RAB21: variants seen among roughly 807,000 people sequenced by gnomAD.
RAB21 encodes the protein RAB21, member RAS oncogene family.
Under a neutral mutation model 33.1 loss-of-function variants are expected in RAB21, and 13 were observed. That is an observed-to-expected ratio of 0.39 (90% CI 0.26 to 0.62). The LOEUF is 0.62. Among genes scored for constraint, RAB21 ranks in the 20% least tolerant of loss-of-function variants. The pLI, the probability that RAB21 is intolerant of heterozygous loss-of-function variation, is 0.48. For missense variants in RAB21, 234 were observed against 279.1 expected (o/e 0.84, Z 1.15); for synonymous variants, 91 against 103.7 (o/e 0.88, Z 0.74).
intron 1 of RAB21, among the ~76,000 whole-genome samples, chr12:71,758,423 A>G (rs1283974628): frequency 6.6e-6 from 1 of 151,678 alleles, no homozygotes. Flanking sequence ...GAAGATAGCT[A>G]TCTTGTCTTC....
Position 71,793,950 on chromosome 12 carries a change from T to TCATG in RAB21, c.*8279_*8282dup, listed in dbSNP as rs1333995302. On this transcript the variant is annotated 3_prime_UTR_variant, in exon 7 of 7. Coordinates refer to ENST00000261263, the MANE Select transcript of RAB21 (RefSeq NM_014999.4). ...TTAAAAGCTGGCTGGGAGCCATGGC[T>TCATG]CATGCCTGTAATCCAGCACTTTGGG... 1 of 152,314 alleles carries TCATG rather than the reference T, an allele frequency of 6.6e-6. No homozygotes were observed. Among genetic ancestry groups the TCATG allele is most frequent in the Admixed American group, 6.5e-5 (1 of 15,280 alleles). 9.4% of individuals were successfully genotyped at this position (152,314 alleles called of 1,614,324 possible).
rs1475477427 is a variant in RAB21, at chr12:71,800,137, C to T, written c.*14464C>T. 1 of 151,974 alleles carries T rather than the reference C, an allele frequency of 6.6e-6. No individual in the cohort carries two copies. The highest frequency in any genetic ancestry group is 1.9e-4 in the East Asian group (1 of 5,190). The allele number at this position is 151,974 out of a possible 1,614,324, so 9.4% of individuals were successfully genotyped here. On this transcript the variant is annotated 3_prime_UTR_variant, in exon 7 of 7. Transcript: ENST00000261263. ...CAAGTTCGATCTGTGAAACCACCAT[C>T]ACAGTGAAGATAATTAACACATCCA...
chr12:71,758,335 A>AT (rs1360558803), intron 1 of RAB21, among the ~76,000 whole-genome samples: 4 of 151,692 alleles, frequency 2.6e-5, no homozygotes, highest in Admixed American at 1.3e-4. Context: ...TTCCGGTCCT[A>AT]TTTTATTTTT....
At position 71,789,491 on chromosome 12, in the gene RAB21, T is replaced by A. The variant is rs2289077; in HGVS notation, c.*3818T>A. 6.6e-6 allele frequency: 1 copy of A among 152,104 alleles called. No individual in the cohort carries two copies. The highest frequency in any genetic ancestry group is 6.6e-5 in the Admixed American group (1 of 15,258). 9.4% of individuals were successfully genotyped at this position (152,104 alleles called of 1,614,324 possible). Reference sequence around the variant, plus strand: ...TTGACTTGTTTGCCACTGTAGAGTTTTCAGTTTTCTCTGTAGATTCAGTGT... The same window carrying A: ...TTGACTTGTTTGCCACTGTAGAGTTATCAGTTTTCTCTGTAGATTCAGTGT... On this transcript the variant is annotated 3_prime_UTR_variant, in exon 7 of 7. Coordinates refer to ENST00000261263, the MANE Select transcript of RAB21 (RefSeq NM_014999.4).
rs957378763 is a variant in RAB21, at chr12:71,791,106, C to T, written c.*5433C>T. ...CAAGCAATCCTCTTGCCTCAGCCTT[C>T]TGAGTAGCTGGGACTACATGTGTAA... On this transcript the variant is annotated 3_prime_UTR_variant, in exon 7 of 7. Coordinates refer to ENST00000261263, the MANE Select transcript of RAB21 (RefSeq NM_014999.4). 1.3e-5 allele frequency: 2 copies of T among 152,250 alleles called. No homozygotes were observed. Among genetic ancestry groups the T allele is most frequent in the Admixed American group, 6.5e-5 (1 of 15,278 alleles). 9.4% of individuals were successfully genotyped at this position (152,250 alleles called of 1,614,324 possible).
intron 1 of RAB21, among the ~76,000 whole-genome samples, chr12:71,761,064 G>A (rs1340501428): frequency 6.6e-6 from 1 of 151,816 alleles, no homozygotes; most frequent in East Asian, 1.9e-4. Context: ...AAAAATAGCT[G>A]GGCATGGTGA....
intron 4 of RAB21, among the ~76,000 whole-genome samples, chr12:71,780,645 G>A (rs1883184069): frequency 6.6e-6 from 1 of 152,192 alleles, no homozygotes; most frequent in Non-Finnish European, 1.5e-5. Flanking sequence ...CTGATTCTTA[G>A]GCTATGGTGG....
intron 4 of RAB21, 131 bp from the exon 5 acceptor site, chr12:71,781,900 A>G: frequency 1.5e-6 from 1 of 655,588 alleles, no homozygotes; most frequent in Non-Finnish European, 2.6e-6. Flanking sequence ...ATTTCAAGAC[A>G]TTAGAAGTCT....
chr12:71,761,594 C>T (rs1342576739), intron 1 of RAB21, among the ~76,000 whole-genome samples: 4 of 152,152 alleles, frequency 2.6e-5, no homozygotes, highest in African/African-American at 7.2e-5. Context: ...AGGAGAATCA[C>T]TTGAACCTGG....
intron 1 of RAB21, among the ~76,000 whole-genome samples, chr12:71,764,849 C>G (rs1263628360): frequency 2.6e-5 from 4 of 152,074 alleles, no homozygotes; most frequent in Non-Finnish European, 5.9e-5. Context: ...TCTTTATTCA[C>G]TTGTTGGTTG....
intron 4 of RAB21, among the ~76,000 whole-genome samples, chr12:71,775,146 C>T (rs542558564): frequency 1.5e-4 from 23 of 152,058 alleles, no homozygotes; most frequent in Admixed American, 1.4e-3. Flanking sequence ...TTCCCTTTTT[C>T]TTTAGATTAT....
intron 1 of RAB21, among the ~76,000 whole-genome samples, chr12:71,763,367 A>C (rs1011016529): frequency 3.9e-5 from 6 of 152,164 alleles, no homozygotes; most frequent in Admixed American, 3.3e-4. Flanking sequence ...AAATTGATTA[A>C]ACAAGTTATG....
rs1281067138 is a variant in RAB21, at chr12:71,793,686, C to G, written c.*8013C>G. 7.2e-5 allele frequency: 11 copies of G among 152,130 alleles called. No homozygotes were observed. 9.4% of individuals were successfully genotyped at this position (152,130 alleles called of 1,614,324 possible). On this transcript the variant is annotated 3_prime_UTR_variant, in exon 7 of 7. Transcript: ENST00000261263. ...AGGATGTGAGAGGAGTAATTCATCC[C>G]CATCAAAAGATTTTAGCCAAAAGTA... is the stretch of plus-strand genomic sequence containing the variant.
intron 1 of RAB21, among the ~76,000 whole-genome samples, chr12:71,763,740 G>T (rs1034768924): frequency 3.3e-5 from 5 of 152,222 alleles, no homozygotes; most frequent in Non-Finnish European, 7.3e-5. Flanking sequence ...ATCCTTGCTA[G>T]TAATACTTTG....
chr12:71,780,444 G>A (rs1363939834), intron 4 of RAB21, among the ~76,000 whole-genome samples: 1 of 152,124 alleles, frequency 6.6e-6, no homozygotes, highest in East Asian at 1.9e-4. Context: ...ATAACACGAC[G>A]GTTTTTCCTC....
At chr12:71,770,480 G>A in intron 2 of RAB21, 112 bp from the exon 3 acceptor site, 1 of 747,698 alleles carries the variant, frequency 1.3e-6, no homozygotes, top group East Asian at 2.7e-5. Context: ...GGGTTTTGTG[G>A]TTGTCTTTGA....
At position 71,794,460 on chromosome 12, in the gene RAB21, A is replaced by G. The variant is rs1410506587; in HGVS notation, c.*8787A>G. 1.3e-5 allele frequency: 1 copy of G among 79,584 alleles called. No homozygotes were observed. Among genetic ancestry groups the G allele is most frequent in the African/African-American group, 5.2e-5 (1 of 19,078 alleles). 4.9% of individuals were successfully genotyped at this position (79,584 alleles called of 1,614,324 possible). A position where few individuals can be genotyped will look rare whatever the true frequency, so the allele number is the denominator to read the frequency against. ...TTTTTTTTTTTTTTTTTTTTTTGAGACGGAGTCTCGCTCTGTCCCAGGCCA... is the reference window on the plus strand; with the variant it reads ...TTTTTTTTTTTTTTTTTTTTTTGAGGCGGAGTCTCGCTCTGTCCCAGGCCA... On this transcript the variant is annotated 3_prime_UTR_variant, in exon 7 of 7. Transcript: ENST00000261263.
chr12:71,781,252 G>A (rs1391779122), intron 4 of RAB21, among the ~76,000 whole-genome samples: 2 of 152,016 alleles, frequency 1.3e-5, no homozygotes, highest in Non-Finnish European at 2.9e-5. Flanking sequence ...GGCGGATCAC[G>A]AGGTCAGGAG....
At chr12:71,776,101 A>G (rs1002095005) in intron 4 of RAB21, among the ~76,000 whole-genome samples, 3 of 152,174 alleles carry the variant, frequency 2.0e-5, no homozygotes, top group Admixed American at 6.5e-5. Flanking sequence ...TGGACTTACT[A>G]GGAGTGGAAG....
Sources: gnomAD v4.1 joint callset for allele counts (sites outside exome capture counted in the v4.1 genomes callset) on GRCh38, gnomAD v4.1.1 for gene constraint, MANE v1.5 for transcripts, NCBI Gene and HGNC (gene_info 2026-07-23, HGNC 2026-07-21) for gene names.